VPS39: variants seen among roughly 807,000 people sequenced by gnomAD.
The protein encoded by VPS39 is VPS39 subunit of HOPS complex.
Under a neutral mutation model 121.0 loss-of-function variants are expected in VPS39, and 70 were observed. The ratio of observed to expected loss-of-function variants is 0.58; its 90% CI spans 0.48 to 0.71. The LOEUF is 0.71. VPS39 is among the 30% of genes least tolerant of loss of function. The probability of loss-of-function intolerance (pLI) is 0.00; values close to 1 mark genes in which losing one functional copy is unlikely to be tolerated. For missense variants in VPS39, 818 were observed against 1,051.5 expected, an observed-to-expected ratio of 0.78 and a Z score of 3.07; for synonymous variants, 378 against 398.1, an observed-to-expected ratio of 0.95 and a Z score of 0.60.
rs780032417 is a variant in VPS39 at position 42,164,359 on chromosome 15, A to C, written c.2025T>G (p.Asp675Glu). 6.2e-7 allele frequency: 1 copy of C among 1,613,964 alleles called. No individual in the cohort carries two copies. The highest frequency in any genetic ancestry group is 8.5e-7 in the Non-Finnish European group (1 of 1,179,960). Residue 675 changes from aspartate to glutamate, a missense_variant and splice_region_variant, in exon 19 of 25, where the codon GAT becomes GAG. Asp to Glu is a conservative substitution (Grantham distance 45). Transcript: ENST00000318006. Reference sequence around the variant, plus strand: ...TCTGGCCCTAAGCCAGACACTCACCATCAAAGGGAAAATCACAGATGAGCC... The same window carrying C: ...TCTGGCCCTAAGCCAGACACTCACCCTCAAAGGGAAAATCACAGATGAGCC... ...PGRLICDFPF[D>E]GLLEERALLL...
chr15:42,191,595 T>C (rs2049828583), intron 2 of VPS39, 35 bp from the exon 3 acceptor site: 5 of 1,582,216 alleles, frequency 3.2e-6, no homozygotes, highest in Non-Finnish European at 4.3e-6. Flanking sequence ...TAGTTCCAAA[T>C]ACAGGGATAC....
At position 42,178,544 on chromosome 15, in the gene VPS39, C is replaced by T; in HGVS notation, c.745G>A (p.Val249Met). The T allele has an allele frequency of 1.2e-6, 2 of 1,614,162 alleles. No individual in the cohort carries two copies. Among genetic ancestry groups the T allele is most frequent in the Non-Finnish European group, 1.7e-6 (2 of 1,180,038 alleles). The change falls in exon 9 of 25, where the codon GTG becomes ATG. Residue 249 changes from valine to methionine, a missense_variant. By Grantham distance (21) the Val-to-Met change is conservative (BLOSUM62 1). Transcript: ENST00000318006. ...CGGATCTCAACATATCGAGGCAACA[C>T]TGCAATGATGTAGGGAGGCTGGTGC... ...MEHQPPYIIA[V>M]LPRYVEIRTF...
At chr15:42,203,442 C>T (rs941006628) in intron 1 of VPS39, among the ~76,000 whole-genome samples, 3 of 151,298 alleles carry the variant, frequency 2.0e-5, no homozygotes, top group Non-Finnish European at 4.4e-5. Flanking sequence ...CCACTGCACT[C>T]CAGCCTGGGT....
intron 2 of VPS39, among the ~76,000 whole-genome samples, chr15:42,198,219 G>C (rs1373139783): frequency 6.6e-6 from 1 of 152,160 alleles, no homozygotes; most frequent in African/African-American, 2.4e-5. Flanking sequence ...TGAAAGCAAA[G>C]CAGAGAGTCA....
Position 42,160,670 on chromosome 15 carries a change from A to G in VPS39, c.*84T>C. 2 of 1,245,896 alleles carry G rather than the reference A, an allele frequency of 1.6e-6. No individual in the cohort carries two copies. The highest frequency in any genetic ancestry group is 2.4e-6 in the Non-Finnish European group (2 of 845,516). The allele number at this position is 1,245,896 out of a possible 1,614,324, so 77.2% of individuals were successfully genotyped here. On this transcript the variant is annotated 3_prime_UTR_variant, in exon 25 of 25. Transcript: ENST00000318006. ...AAATGGGGAGCCTTGTGGTGGTGGC[A>G]GCCAGGATTCCTAAGGCCAGGTGCT...
At chr15:42,195,790 T>C (rs1353069862) in intron 2 of VPS39, among the ~76,000 whole-genome samples, 3 of 152,214 alleles carry the variant, frequency 2.0e-5, no homozygotes, top group Non-Finnish European at 4.4e-5. Flanking sequence ...AAGCTACCAA[T>C]GACTGTCTTC....
intron 2 of VPS39, among the ~76,000 whole-genome samples, chr15:42,194,194 G>T (rs1437371552): frequency 1.3e-5 from 2 of 152,168 alleles, no homozygotes; most frequent in Non-Finnish European, 2.9e-5. Flanking sequence ...GCCAGGTGTG[G>T]TGGTTCACGC....
intron 5 of VPS39, among the ~76,000 whole-genome samples, chr15:42,188,547 G>A (rs930962766): frequency 2.6e-5 from 4 of 152,160 alleles, no homozygotes; most frequent in African/African-American, 7.2e-5. Context: ...TGTCCAGGAC[G>A]AGAGTTTTTG....
At chr15:42,195,870 C>T (rs1379373860) in intron 2 of VPS39, among the ~76,000 whole-genome samples, 2 of 152,178 alleles carry the variant, frequency 1.3e-5, no homozygotes, top group Non-Finnish European at 2.9e-5. Flanking sequence ...CAAGTCGATC[C>T]TAAGCAAAAA....
At chr15:42,193,876 T>C (rs971933501) in intron 2 of VPS39, among the ~76,000 whole-genome samples, 44 of 146,920 alleles carry the variant, frequency 3.0e-4, no homozygotes, top group Non-Finnish European at 6.0e-4. Flanking sequence ...AAATGCCAAA[T>C]ATCTAAATGG....
chr15:42,169,722 A>G lies in VPS39; in HGVS notation c.1233+2T>C. ...CTTTCACGCACTCTGTACTATACCT[A>G]CCTGTGTCAGGTAGTCAATCAGAGC... is the stretch of plus-strand genomic sequence containing the variant. On this transcript the variant is annotated splice_donor_variant, in intron 12 of 24. Transcript: ENST00000318006. LOFTEE classifies it high-confidence loss of function. The G allele has an allele frequency of 2.5e-6, 4 of 1,613,724 alleles. No individual in the cohort carries two copies. The highest frequency in any genetic ancestry group is 3.4e-6 in the Non-Finnish European group (4 of 1,179,984).
At chr15:42,163,283 C>G in intron 21 of VPS39, 67 bp downstream of exon 21, 1 of 1,580,614 alleles carries the variant, frequency 6.3e-7, no homozygotes, top group Middle Eastern at 1.7e-4. Context: ...CATATTATTG[C>G]CACCTCTGGT....
chr15:42,181,483 T>C lies in VPS39; in HGVS notation c.719-2913A>G, dbSNP rs375490768. Among the ~76,000 whole-genome samples the C allele has an allele frequency of 1.6e-4, 24 of 152,342 alleles. 1 individual carries two copies. In the East Asian group the frequency reaches 2.7e-3, roughly 17 times the overall value. On this transcript the variant is annotated intron_variant, in intron 8 of 24. Coordinates refer to ENST00000318006, the MANE Select transcript of VPS39 (RefSeq NM_015289.5). The stretch of plus-strand genomic sequence containing the variant: ...GTTCTGAAGATCTATTGTACCACAA[T>C]GTTAACATACGTAATACCACTTAAC...
At chr15:42,179,075 A>G (rs2049520140) in intron 8 of VPS39, 1 of 154,322 alleles carries the variant, frequency 6.5e-6, no homozygotes, top group Non-Finnish European at 1.4e-5. Flanking sequence ...TTGCACAAAA[A>G]AGACACATCA....
rs759638895 is a variant in VPS39, at chr15:42,187,758, C to A, written c.441G>T (p.Gln147His). The A allele has an allele frequency of 6.2e-7, 1 of 1,614,178 alleles. No individual in the cohort carries two copies. Among genetic ancestry groups the A allele is most frequent in the South Asian group, 1.1e-5 (1 of 91,084 alleles). The change falls in exon 6 of 25, where the codon CAG (glutamine) becomes CAT (histidine). Residue 147 changes from glutamine (Q) to histidine (H), a missense_variant and splice_region_variant. Transcript: ENST00000318006. The stretch of plus-strand genomic sequence containing the variant: ...ATGGACCAAGGAACAGTGGACTTAC[C>A]TGCAATTCATGAAATTCCCTGTCCT... ...FWKDREFHEL[Q>H]GDFSVPDVPK...
chr15:42,197,669 T>A (rs981596670), intron 2 of VPS39, among the ~76,000 whole-genome samples: 1 of 152,174 alleles, frequency 6.6e-6, no homozygotes, highest in Non-Finnish European at 1.5e-5. Context: ...GCTAGACATA[T>A]CAGAGGATAA....
At chr15:42,189,535 C>A (rs2049776223) in intron 4 of VPS39, among the ~76,000 whole-genome samples, 1 of 151,988 alleles carries the variant, frequency 6.6e-6, no homozygotes, top group South Asian at 2.1e-4. Context: ...TTGAGACCAG[C>A]CTGGGTAACA....
At position 42,162,378 on chromosome 15, in the gene VPS39, G is replaced by A. The variant is rs774537716; in HGVS notation, c.2279C>T (p.Ala760Val). The change falls in exon 22 of 25, where the codon GCT (alanine) becomes GTT (valine). Residue 760 changes from alanine (A) to valine (V), a missense_variant. Coordinates refer to ENST00000318006, the MANE Select transcript of VPS39 (RefSeq NM_015289.5). Reference sequence around the variant, plus strand: ...GTGGTGTAGCTCGAGGACCTGCAGAGCGGCCTGGAGGTTGGCTTTTGGCTC... The same window carrying A: ...GTGGTGTAGCTCGAGGACCTGCAGAACGGCCTGGAGGTTGGCTTTTGGCTC... ...LLEPKANLQA[A>V]LQVLELHHSK... The A allele has an allele frequency of 9.9e-6, 16 of 1,612,810 alleles. No individual in the cohort carries two copies. Among genetic ancestry groups the A allele is most frequent in the Non-Finnish European group, 1.4e-5 (16 of 1,179,536 alleles).
chr15:42,182,539 C>G (rs2049602389), intron 8 of VPS39, among the ~76,000 whole-genome samples: 1 of 152,226 alleles, frequency 6.6e-6, no homozygotes, highest in Non-Finnish European at 1.5e-5. Flanking sequence ...CATTTTCTTA[C>G]ACGCTCTGAT....
Sources: gnomAD v4.1 joint callset for allele counts (sites outside exome capture counted in the v4.1 genomes callset) on GRCh38, gnomAD v4.1.1 for gene constraint, MANE v1.5 for transcripts, NCBI Gene and HGNC (gene_info 2026-07-23, HGNC 2026-07-21) for gene names.